TTBK2: variants seen among roughly 807,000 people sequenced by gnomAD.
The protein encoded by TTBK2 is tau-tubulin kinase 2.
A neutral mutation model predicts 110.8 loss-of-function variants in TTBK2; 28 were observed. The ratio of observed to expected loss-of-function variants is 0.25; its 90% CI spans 0.19 to 0.35. TTBK2 has a LOEUF of 0.35. Among genes scored for constraint, TTBK2 ranks in the 10% least tolerant of loss-of-function variants. The pLI, the probability that TTBK2 is intolerant of heterozygous loss-of-function variation, is 1.00. For synonymous variants in TTBK2, 532 were observed against 527.3 expected, an observed-to-expected ratio of 1.01 and a Z score of -0.12; for missense variants, 1,369 against 1,500.3, an observed-to-expected ratio of 0.91 and a Z score of 1.45.
In TTBK2 at chr15:42,801,596, C is replaced by A. The variant is rs760341856; in HGVS notation, c.823-6795G>T. Reference sequence around the variant, plus strand: ...CATGCTCTCAGCCTCAGCCTGGCTGCGGTTGGCAATCTCCTCGTACTGCAC... The same window carrying A: ...CATGCTCTCAGCCTCAGCCTGGCTGAGGTTGGCAATCTCCTCGTACTGCAC... On this transcript the variant is annotated intron_variant, in intron 9 of 14. Transcript: ENST00000267890. The A allele has an allele frequency of 3.7e-5, 29 of 780,130 alleles. No individual in the cohort carries two copies. The East Asian group carries it at 6.9e-4, about 19-fold the overall frequency. 48.3% of individuals were successfully genotyped at this position (780,130 alleles called of 1,614,324 possible).
chr15:42,914,023 C>T (rs944723757), intron 1 of TTBK2, among the ~76,000 whole-genome samples: 9 of 151,466 alleles, frequency 5.9e-5, no homozygotes, highest in African/African-American at 1.7e-4. Context: ...GTCACCCAGG[C>T]TGGAGTGCAA....
At position 42,801,807 on chromosome 15, in the gene TTBK2, T is replaced by C. The variant is rs1445710760; in HGVS notation, c.823-7006A>G. 5 of 835,014 alleles carry C rather than the reference T, an allele frequency of 6.0e-6. No individual in the cohort carries two copies. In the Admixed American group the frequency reaches 8.5e-5, roughly 14 times the overall value. The allele number at this position is 835,014 out of a possible 1,614,324, so 51.7% of individuals were successfully genotyped here. On this transcript the variant is annotated intron_variant, in intron 9 of 14. Coordinates refer to ENST00000267890, the MANE Select transcript of TTBK2 (RefSeq NM_173500.4). The stretch of plus-strand genomic sequence containing the variant: ...CCAGCTCCATCTTGTTCATGTAAGC[T>C]TCATCTACATACTCCTTGATGAGCA...
At chr15:42,811,931 T>G in intron 7 of TTBK2, 151 bp from the exon 8 acceptor site, 1 of 466,074 alleles carries the variant, frequency 2.1e-6, no homozygotes, top group Non-Finnish European at 3.6e-6. Context: ...TATATATATA[T>G]AAATTTACAT....
chr15:42,887,464 T>A (rs1369298292), intron 1 of TTBK2, among the ~76,000 whole-genome samples: 2 of 152,134 alleles, frequency 1.3e-5, no homozygotes, highest in Non-Finnish European at 2.9e-5. Flanking sequence ...AACGCCAATA[T>A]CCCATCCCAC....
At chr15:42,774,736 GC>G (rs1268197139) in intron 13 of TTBK2, among the ~76,000 whole-genome samples, 1 of 152,148 alleles carries the variant, frequency 6.6e-6, no homozygotes, top group Non-Finnish European at 1.5e-5. Context: ...AAAGGCTCAG[GC>G]CTCCCAACAG....
At chr15:42,860,129 C>T (rs1237302210) in intron 3 of TTBK2, among the ~76,000 whole-genome samples, 1 of 151,876 alleles carries the variant, frequency 6.6e-6, no homozygotes, top group Non-Finnish European at 1.5e-5. Context: ...CAACCATACA[C>T]AAAGGGAACA....
intron 1 of TTBK2, among the ~76,000 whole-genome samples, chr15:42,883,513 T>G (rs192869609): frequency 1.1e-3 from 162 of 151,920 alleles, no homozygotes; most frequent in African/African-American, 3.9e-3. Flanking sequence ...TAATATTTAA[T>G]GTAATAACTC....
At chr15:42,860,595 G>C (rs2141079288) in intron 3 of TTBK2, among the ~76,000 whole-genome samples, 1 of 148,512 alleles carries the variant, frequency 6.7e-6, no homozygotes, top group African/African-American at 2.5e-5. Context: ...GCAATAGTGA[G>C]ACCCCATCTC....
intron 9 of TTBK2, chr15:42,800,873 G>A: frequency 1.6e-6 from 1 of 614,432 alleles, no homozygotes; most frequent in East Asian, 2.7e-5. Flanking sequence ...CTGAGCCTCG[G>A]GTGGGTCTCC....
intron 4 of TTBK2, among the ~76,000 whole-genome samples, chr15:42,837,195 T>C (rs1893019512): frequency 6.7e-6 from 1 of 149,096 alleles, no homozygotes; most frequent in Non-Finnish European, 1.5e-5. Flanking sequence ...CCGTCCCTAC[T>C]AAAAATACAA....
At chr15:42,877,645 T>C (rs1009000349) in intron 2 of TTBK2, among the ~76,000 whole-genome samples, 4 of 152,210 alleles carry the variant, frequency 2.6e-5, no homozygotes, top group African/African-American at 7.2e-5. Context: ...TTTGGTAATA[T>C]TAAGAAATGA....
chr15:42,918,233 TTTTG>T (rs1227820046), intron 1 of TTBK2, among the ~76,000 whole-genome samples: 8 of 152,014 alleles, frequency 5.3e-5, no homozygotes, highest in Admixed American at 4.6e-4. Context: ...CCGGCTAAAT[TTTTG>T]TTTGTTTTTT....
intron 1 of TTBK2, among the ~76,000 whole-genome samples, chr15:42,879,826 G>A (rs987462541): frequency 1.1e-4 from 17 of 151,740 alleles, no homozygotes; most frequent in African/African-American, 2.4e-4. Flanking sequence ...GGGAGATCCC[G>A]TCTCTACAAC....
chr15:42,815,958 A>AAAAAAAATATATAT (rs71108183), intron 7 of TTBK2, among the ~76,000 whole-genome samples: 35 of 91,694 alleles, frequency 3.8e-4, no homozygotes, highest in African/African-American at 6.2e-4. Context: ...TTAAAAAAAA[A>AAAAAAAATATATAT]ATATATATAT....
intron 1 of TTBK2, among the ~76,000 whole-genome samples, chr15:42,903,809 T>C (rs558091645): frequency 2.6e-5 from 4 of 152,322 alleles, no homozygotes; most frequent in African/African-American, 9.6e-5. Context: ...ACTTCCCAGA[T>C]AGGTTATGAA....
chr15:42,763,697 T>A (rs1239388246), intron 13 of TTBK2, among the ~76,000 whole-genome samples: 1 of 152,174 alleles, frequency 6.6e-6, no homozygotes, highest in East Asian at 1.9e-4. Context: ...CAATTATAAC[T>A]TTTTTAAGAG....
intron 3 of TTBK2, among the ~76,000 whole-genome samples, chr15:42,853,364 T>C (rs1893797640): frequency 1.3e-5 from 2 of 152,224 alleles, no homozygotes; most frequent in South Asian, 4.1e-4. Context: ...CAAGACAAAT[T>C]AATTCCCAAA....
At chr15:42,816,085 AAT>A (rs71431870) in intron 7 of TTBK2, among the ~76,000 whole-genome samples, 26,168 of 67,260 alleles carry the variant, frequency 0.39, 4,950 homozygotes, top group Non-Finnish European at 0.46. Context: ...TAAATAAATA[AAT>A]ATATATATAT....
intron 1 of TTBK2, among the ~76,000 whole-genome samples, chr15:42,881,947 G>C (rs991893330): frequency 5.3e-5 from 8 of 151,984 alleles, no homozygotes; most frequent in Non-Finnish European, 8.8e-5. Flanking sequence ...GGGGTCAATA[G>C]AAAAATGGCA....
Sources: allele counts gnomAD v4.1 joint callset (sites outside exome capture counted in the v4.1 genomes callset), GRCh38; gene constraint gnomAD v4.1.1; transcripts MANE v1.5; gene names NCBI Gene and HGNC (gene_info 2026-07-23, HGNC 2026-07-21).